DNAH3: variants seen among roughly 807,000 people sequenced by gnomAD.
DNAH3 encodes the protein dynein axonemal heavy chain 3.
In DNAH3, 332 loss-of-function variants were observed where a neutral mutation model predicts 432.5. The observed-to-expected ratio is 0.77, with a 90% CI of 0.70 to 0.84. DNAH3 has a LOEUF of 0.84. Ranked by LOEUF, DNAH3 falls within the 40% of genes least tolerant of loss-of-function variation. DNAH3 has a pLI of 0.00. For missense variants in DNAH3, 4,861 were observed against 5,114.0 expected, an observed-to-expected ratio of 0.95 and a Z score of 1.51; for synonymous variants, 1,956 against 1,900.2, an observed-to-expected ratio of 1.03 and a Z score of -0.76.
intron 7 of DNAH3, chr16:21,129,890 C>T (rs1461514000): frequency 6.6e-6 from 1 of 152,036 alleles, no homozygotes; most frequent in Non-Finnish European, 1.5e-5. Context: ...CCCCATTACT[C>T]TGGCTAATTT....
At chr16:21,015,554 C>T (rs2087816078) in intron 41 of DNAH3, among the ~76,000 whole-genome samples, 1 of 152,102 alleles carries the variant, frequency 6.6e-6, no homozygotes, top group South Asian at 2.1e-4. Flanking sequence ...ACACTATGAA[C>T]TTTGTTCATA....
intron 51 of DNAH3, 36 bp from the exon 52 acceptor site, chr16:20,970,026 C>T: frequency 1.3e-6 from 2 of 1,597,960 alleles, no homozygotes; most frequent in South Asian, 1.1e-5. Context: ...GATGAGTGCC[C>T]AGGGCCTGGC....
intron 49 of DNAH3, among the ~76,000 whole-genome samples, chr16:20,980,903 A>G (rs1031441811): frequency 1.3e-5 from 2 of 152,184 alleles, no homozygotes; most frequent in Non-Finnish European, 2.9e-5. Flanking sequence ...GATATCTGTC[A>G]CAGTTACTCA....
chr16:21,154,324 G>A (rs576330229), intron 1 of DNAH3, among the ~76,000 whole-genome samples: 2 of 152,052 alleles, frequency 1.3e-5, no homozygotes, highest in South Asian at 2.1e-4. Context: ...AGAATTGCAT[G>A]AACACAGGAG....
chr16:20,964,135 T>C lies in DNAH3; in HGVS notation c.9749A>G (p.Lys3250Arg), dbSNP rs114197346. The change falls in exon 53 of 62, where the codon AAG becomes AGG. Residue 3250 changes from lysine (K) to arginine (R), a missense_variant. Transcript: ENST00000261383. The stretch of plus-strand genomic sequence containing the variant: ...GGTTTCATCCTCCAGGATGTTACCC[T>C]TGGACATGGAGAGAACCTCCAAGAT... 9.4e-4 allele frequency: 1,519 copies of C among 1,614,214 alleles called. 17 individuals carry two copies. In the African/African-American group the frequency reaches 0.018, roughly 19 times the overall value.
chr16:21,132,748 A>C (rs1414034380), intron 7 of DNAH3, among the ~76,000 whole-genome samples: 2 of 152,206 alleles, frequency 1.3e-5, no homozygotes, highest in South Asian at 4.1e-4. Context: ...GAAGGTGAGA[A>C]TGCGGAGTGA....
intron 55 of DNAH3, 133 bp downstream of exon 55, chr16:20,954,680 C>T: frequency 1.0e-6 from 1 of 970,314 alleles, no homozygotes; most frequent in Non-Finnish European, 1.5e-6. Context: ...CCAAATATTG[C>T]CTGGAAAATA....
chr16:20,961,645 T>C (rs945836110), intron 53 of DNAH3, among the ~76,000 whole-genome samples: 13 of 151,284 alleles, frequency 8.6e-5, no homozygotes, highest in East Asian at 3.9e-4. Flanking sequence ...TGTGCAGACA[T>C]AGGGAGAAGA....
At chr16:21,017,064 G>A (rs1222628530) in intron 41 of DNAH3, among the ~76,000 whole-genome samples, 1 of 152,084 alleles carries the variant, frequency 6.6e-6, no homozygotes, top group African/African-American at 2.4e-5. Context: ...TGTGAAAAAC[G>A]TCCTGGAGAT....
intron 20 of DNAH3, among the ~76,000 whole-genome samples, chr16:21,079,534 A>T (rs1016195716): frequency 8.5e-5 from 13 of 152,166 alleles, no homozygotes; most frequent in Non-Finnish European, 1.8e-4. Context: ...GAGGCAGAAG[A>T]ATCACTTGAA....
rs1477199477 is a variant in DNAH3 at position 20,972,753 on chromosome 16, T to TC, written c.8259+2479_8259+2480insG. Among the ~76,000 whole-genome samples, 9 of 147,876 alleles carry TC rather than the reference T, an allele frequency of 6.1e-5. No individual in the cohort carries two copies. In the East Asian group the frequency reaches 1.4e-3, roughly 23 times the overall value. ...AATGCCCCGTGATTTTTTTTTTTTT[T>TC]TTTTTTTTTTGGTCACTCAGGCTGG... On this transcript the variant is annotated intron_variant, in intron 51 of 61. Transcript: ENST00000261383.
At chr16:21,003,598 C>T (rs563014371) in intron 41 of DNAH3, among the ~76,000 whole-genome samples, 1 of 152,006 alleles carries the variant, frequency 6.6e-6, no homozygotes, top group South Asian at 2.1e-4. Context: ...CAGGGTGAAA[C>T]CCCATCTCTA....
At position 21,019,521 on chromosome 16, in the gene DNAH3, T is replaced by C. The variant is rs904881314; in HGVS notation, c.6022+103A>G. ...TTATTAGCCACCGTGCCTGGCCTTC[T>C]GTGGCTTTTGTAAAGGGCTCACCTG... On this transcript the variant is annotated intron_variant, in intron 41 of 61. Coordinates refer to ENST00000261383, the Ensembl canonical transcript of DNAH3. 7 of 1,351,306 alleles carry C rather than the reference T, an allele frequency of 5.2e-6. No homozygotes were observed. The East Asian group carries it at 1.6e-4, about 31-fold the overall frequency. The allele number at this position is 1,351,306 out of a possible 1,614,324, so 83.7% of individuals were successfully genotyped here.
intron 28 of DNAH3, 68 bp from the exon 29 acceptor site, chr16:21,051,936 C>T: frequency 1.5e-6 from 2 of 1,301,802 alleles, no homozygotes; most frequent in African/African-American, 2.9e-5. Flanking sequence ...GTAAGCTCCT[C>T]AGTTACAAGT....
chr16:21,135,872 G>A (rs370706013), intron 6 of DNAH3, among the ~76,000 whole-genome samples: 12 of 135,644 alleles, frequency 8.8e-5, no homozygotes, highest in South Asian at 7.5e-4. Context: ...AGACCTTGTC[G>A]CTAAAAAAAA....
At chr16:20,944,463 T>A (rs773756664) in intron 58 of DNAH3, 33 bp downstream of exon 58, 2 of 1,611,048 alleles carry the variant, frequency 1.2e-6, no homozygotes, top group Admixed American at 1.7e-5. Flanking sequence ...GCCTGGGAAA[T>A]AGGATTAAGC....
At chr16:20,990,013 C>T (rs1474538404) in intron 44 of DNAH3, among the ~76,000 whole-genome samples, 2 of 152,244 alleles carry the variant, frequency 1.3e-5, no homozygotes, top group African/African-American at 4.8e-5. Flanking sequence ...GGTTCCCACT[C>T]GCGCCTCTCC....
At chr16:21,127,133 C>T (rs763936201) in intron 8 of DNAH3, among the ~76,000 whole-genome samples, 16 of 151,796 alleles carry the variant, frequency 1.1e-4, no homozygotes, top group Non-Finnish European at 1.8e-4. Flanking sequence ...GGGTGGGGAC[C>T]GCTGGTCTAA....
chr16:20,989,739 G>A (rs1433927134), intron 44 of DNAH3, among the ~76,000 whole-genome samples: 6 of 152,246 alleles, frequency 3.9e-5, no homozygotes, highest in African/African-American at 9.6e-5. Context: ...CCCATGGAGT[G>A]GGTGGGAGGC....
Sources: gnomAD v4.1 joint callset for allele counts (sites outside exome capture counted in the v4.1 genomes callset) on GRCh38, gnomAD v4.1.1 for gene constraint, MANE v1.5 for transcripts, NCBI Gene and HGNC (gene_info 2026-07-23, HGNC 2026-07-21) for gene names.